The following GRIK2 variants were observed in gnomAD, a reference collection of about 807,000 sequenced individuals.
GRIK2 encodes glutamate ionotropic receptor kainate type subunit 2.
Under a neutral mutation model 100.3 loss-of-function variants are expected in GRIK2, and 32 were observed. The observed-to-expected ratio is 0.32, with a 90% CI of 0.24 to 0.43. The LOEUF (loss-of-function observed/expected upper bound fraction) is 0.43, where lower values mean the gene tolerates loss of function less well. Among genes scored for constraint, GRIK2 ranks in the 20% least tolerant of loss-of-function variants. The probability of loss-of-function intolerance (pLI) is 1.00; values close to 1 mark genes in which losing one functional copy is unlikely to be tolerated. For synonymous variants in GRIK2, 417 were observed against 389.4 expected, an observed-to-expected ratio of 1.07 and a Z score of -0.83; for missense variants, 843 against 1,114.9, an observed-to-expected ratio of 0.76 and a Z score of 3.47.
At chr6:101,590,727 T>G (rs183423473) in intron 2 of GRIK2, among the ~76,000 whole-genome samples, 1 of 152,176 alleles carries the variant, frequency 6.6e-6, no homozygotes, top group Admixed American at 6.6e-5. Flanking sequence ...AGCTTACAAT[T>G]TGGCCCCTTC....
intron 14 of GRIK2, among the ~76,000 whole-genome samples, chr6:101,960,805 C>T (rs1335035): frequency 0.48 from 72,944 of 151,942 alleles, 17,661 homozygotes; most frequent in African/African-American, 0.53. Flanking sequence ...ATTGTGCAGT[C>T]CAATCTCCAG....
At chr6:102,040,895 C>T (rs571899792) in intron 15 of GRIK2, among the ~76,000 whole-genome samples, 2 of 151,698 alleles carry the variant, frequency 1.3e-5, no homozygotes, top group African/African-American at 2.4e-5. Context: ...TGCAGGTCAG[C>T]CCTTCCATTA....
At chr6:101,977,172 T>C (rs1166360815) in intron 14 of GRIK2, among the ~76,000 whole-genome samples, 1 of 151,852 alleles carries the variant, frequency 6.6e-6, no homozygotes, top group East Asian at 1.9e-4. Context: ...ATTTTTTTTT[T>C]ACAAGAGAGG....
At chr6:101,526,800 A>G (rs1370247074) in intron 2 of GRIK2, among the ~76,000 whole-genome samples, 1 of 152,202 alleles carries the variant, frequency 6.6e-6, no homozygotes, top group Non-Finnish European at 1.5e-5. Flanking sequence ...CCCTTAGCCC[A>G]TGGGCCCCAT....
intron 14 of GRIK2, among the ~76,000 whole-genome samples, chr6:101,998,905 CT>C (rs1794788704): frequency 6.7e-6 from 1 of 149,848 alleles, no homozygotes; most frequent in Admixed American, 6.7e-5. Context: ...CCTCCGCCTC[CT>C]TGGTTGAAGC....
chr6:102,065,802 C>A lies in GRIK2; in HGVS notation c.2563-2545C>A. On this transcript the variant is annotated intron_variant, in intron 16 of 16. Transcript: ENST00000369134. ...TCTGTTAAATGTTTCAACAGAGAGC[C>A]AAGACTAAGTTACCTCAAGACTATG... is the stretch of plus-strand genomic sequence containing the variant. 1 of 1,521,314 alleles carries A rather than the reference C, an allele frequency of 6.6e-7. No individual in the cohort carries two copies. Among genetic ancestry groups the A allele is most frequent in the Non-Finnish European group, 8.9e-7 (1 of 1,126,780 alleles). 94.2% of individuals were successfully genotyped at this position (1,521,314 alleles called of 1,614,324 possible). A position where few individuals can be genotyped will look rare whatever the true frequency, so the allele number is the denominator to read the frequency against.
chr6:101,690,163 A>T (rs1425235194), intron 7 of GRIK2, among the ~76,000 whole-genome samples: 1 of 152,168 alleles, frequency 6.6e-6, no homozygotes, highest in Non-Finnish European at 1.5e-5. Context: ...TCTAATATAC[A>T]TATGCATATT....
chr6:102,000,371 C>G (rs984553868), intron 14 of GRIK2, among the ~76,000 whole-genome samples: 3 of 150,502 alleles, frequency 2.0e-5, no homozygotes, highest in Admixed American at 6.7e-5. Context: ...GGTCCTATCA[C>G]CTGGGTAGTG....
At chr6:101,953,929 G>T (rs1016812105) in intron 14 of GRIK2, among the ~76,000 whole-genome samples, 1 of 151,906 alleles carries the variant, frequency 6.6e-6, no homozygotes, top group African/African-American at 2.4e-5. Flanking sequence ...TTTAATTTTT[G>T]TGTATGATGT....
intron 2 of GRIK2, among the ~76,000 whole-genome samples, chr6:101,418,278 AG>A (rs1359188720): frequency 6.6e-6 from 1 of 152,196 alleles, no homozygotes; most frequent in African/African-American, 2.4e-5. Flanking sequence ...ACATAATCCT[AG>A]AATCTCCACA....
At chr6:101,421,377 A>C (rs781050034) in intron 2 of GRIK2, among the ~76,000 whole-genome samples, 2 of 152,210 alleles carry the variant, frequency 1.3e-5, no homozygotes, top group African/African-American at 2.4e-5. Context: ...CGCACGGAAG[A>C]AAGAGGAGGA....
chr6:101,838,842 G>A (rs1411161508), intron 10 of GRIK2, among the ~76,000 whole-genome samples: 3 of 151,816 alleles, frequency 2.0e-5, no homozygotes, highest in African/African-American at 7.3e-5. Flanking sequence ...TAGTAGAGAC[G>A]AGGTTTCACC....
At chr6:101,968,283 A>AGAT (rs1248420248) in intron 14 of GRIK2, among the ~76,000 whole-genome samples, 2 of 152,100 alleles carry the variant, frequency 1.3e-5, no homozygotes, top group Non-Finnish European at 2.9e-5. Flanking sequence ...ATTTGCTAAT[A>AGAT]GATGCAAAGC....
chr6:101,555,911 A>G (rs2749071), intron 2 of GRIK2, among the ~76,000 whole-genome samples: 95,569 of 151,888 alleles, frequency 0.63, 30,448 homozygotes, highest in Middle Eastern at 0.69. Flanking sequence ...GTATTAATAT[A>G]AGAAAGAAAA....
intron 2 of GRIK2, among the ~76,000 whole-genome samples, chr6:101,593,432 T>C (rs1296563759): frequency 1.3e-5 from 2 of 151,966 alleles, no homozygotes; most frequent in Admixed American, 6.6e-5. Context: ...TACAGAGTGC[T>C]TTCACTGTTC....
intron 11 of GRIK2, among the ~76,000 whole-genome samples, chr6:101,865,626 C>G (rs1343035796): frequency 6.6e-6 from 1 of 152,132 alleles, no homozygotes; most frequent in South Asian, 2.1e-4. Flanking sequence ...GTGACTCACA[C>G]CTGTAATCCC....
intron 2 of GRIK2, among the ~76,000 whole-genome samples, chr6:101,455,187 A>C (rs1762484523): frequency 6.6e-6 from 1 of 152,056 alleles, no homozygotes. Flanking sequence ...TTTCTGGCTA[A>C]GTGGACTAAT....
At chr6:101,722,110 TG>T (rs1263060668) in intron 7 of GRIK2, among the ~76,000 whole-genome samples, 3 of 152,026 alleles carry the variant, frequency 2.0e-5, no homozygotes, top group Admixed American at 6.6e-5. Context: ...GTTTTATAAT[TG>T]TTATTATTCA....
chr6:101,450,355 A>G (rs761600340), intron 2 of GRIK2, among the ~76,000 whole-genome samples: 1 of 151,694 alleles, frequency 6.6e-6, no homozygotes, highest in African/African-American at 2.4e-5. Context: ...TTATTACAAT[A>G]TTGTACTATG....
Sources: gnomAD v4.1 joint callset for allele counts (sites outside exome capture counted in the v4.1 genomes callset) on GRCh38, gnomAD v4.1.1 for gene constraint, MANE v1.5 for transcripts, NCBI Gene and HGNC (gene_info 2026-07-23, HGNC 2026-07-21) for gene names.